The following CACNA1H variants were observed in gnomAD, a reference collection of about 807,000 sequenced individuals.
CACNA1H encodes the protein calcium voltage-gated channel subunit alpha1 H.
CACNA1H carries 149 observed loss-of-function variants against 192.5 expected under a neutral mutation model. The observed-to-expected ratio is 0.77, with a 90% confidence interval of 0.68 to 0.89. The LOEUF is 0.89. CACNA1H is among the 40% of genes least tolerant of loss of function. The pLI, the probability that CACNA1H is intolerant of heterozygous loss-of-function variation, is 0.00. For missense variants in CACNA1H, 4,257 were observed against 3,423.5 expected (o/e 1.24, Z -6.08); for synonymous variants, 2,202 against 1,475.2 (o/e 1.49, Z -11.29).
intron 2 of CACNA1H, among the ~76,000 whole-genome samples, chr16:1,162,901 C>T (rs999552882): frequency 1.3e-5 from 2 of 152,192 alleles, no homozygotes; most frequent in African/African-American, 2.4e-5. Flanking sequence ...GTCAGTGGCC[C>T]CAGGTCCCTG....
At chr16:1,205,715 G>A (rs1200039921) in intron 11 of CACNA1H, among the ~76,000 whole-genome samples, 4 of 152,192 alleles carry the variant, frequency 2.6e-5, no homozygotes, top group Admixed American at 6.5e-5. Context: ...CTAGGAGGAC[G>A]CTCATCCCTC....
At chr16:1,200,218 T>C (rs1221570883) in intron 6 of CACNA1H, 38 bp from the exon 7 acceptor site, 1 of 1,538,068 alleles carries the variant, frequency 6.5e-7, no homozygotes, top group African/African-American at 1.4e-5. Context: ...TCCCTGACCC[T>C]GATTGTACCT....
rs188397970 is a variant in CACNA1H at position 1,200,711 on chromosome 16, C to G, written c.1120-5C>G. 1.1e-4 allele frequency: 168 copies of G among 1,565,512 alleles called. No homozygotes were observed. Among genetic ancestry groups the G allele is most frequent in the Admixed American group, 5.1e-4 (27 of 52,528 alleles). On this transcript the variant is annotated splice_polypyrimidine_tract_variant and splice_region_variant and intron_variant, in intron 7 of 34. Transcript: ENST00000348261. ...CGGGCCCAAGTCAAGCCACTGCCCC[C>G]CCAGGTGATCACGCTGGAAGGCTGG... is the stretch of plus-strand genomic sequence containing the variant.
intron 2 of CACNA1H, among the ~76,000 whole-genome samples, chr16:1,187,802 A>C (rs1393064248): frequency 1.3e-5 from 2 of 152,186 alleles, no homozygotes; most frequent in African/African-American, 4.8e-5. Flanking sequence ...TGGTCTGAGG[A>C]GCTGAGGCTG....
chr16:1,202,858 G>C (rs1968149345), intron 9 of CACNA1H, among the ~76,000 whole-genome samples: 1 of 152,084 alleles, frequency 6.6e-6, no homozygotes, highest in Non-Finnish European at 1.5e-5. Context: ...CCCCCTTCTA[G>C]GTGGGGACGC....
chr16:1,175,925 A>G (rs948486681), intron 2 of CACNA1H, among the ~76,000 whole-genome samples: 1 of 152,134 alleles, frequency 6.6e-6, no homozygotes, highest in Non-Finnish European at 1.5e-5. Context: ...AGGCTCTGCA[A>G]CAGCCTGGAG....
chr16:1,205,970 C>A, intron 11 of CACNA1H, 134 bp from the exon 12 acceptor site: 1 of 799,004 alleles, frequency 1.3e-6, no homozygotes, highest in Non-Finnish European at 1.9e-6. Flanking sequence ...CTTGATGCAG[C>A]CATACCCTCT....
intron 2 of CACNA1H, among the ~76,000 whole-genome samples, chr16:1,184,501 C>T (rs530875616): frequency 6.6e-6 from 1 of 152,380 alleles, no homozygotes; most frequent in Non-Finnish European, 1.5e-5. Flanking sequence ...TCCCGGCCCT[C>T]ACCCTCATCC....
chr16:1,168,193 T>TC (rs779177552), intron 2 of CACNA1H, among the ~76,000 whole-genome samples: 228 of 133,214 alleles, frequency 1.7e-3, no homozygotes, highest in East Asian at 7.9e-3. Flanking sequence ...TGATGTGGGA[T>TC]CCCCCCCCCC....
At position 1,215,345 on chromosome 16, in the gene CACNA1H, C is replaced by T. The variant is rs545768453; in HGVS notation, c.5143C>T (p.Arg1715Cys). The change falls in exon 29 of 35, where the codon CGC becomes TGC. Residue 1715 changes from arginine to cysteine, a missense_variant. By Grantham distance (180) the Arg-to-Cys change is radical (BLOSUM62 -3). Coordinates refer to ENST00000348261, the MANE Select transcript of CACNA1H (RefSeq NM_021098.3). ...GCTGCCCATCAACCCCACCATCATC[C>T]GCATCATGCGCGTGCTTCGCATTGC... ...AALPINPTII[R>C]IMRVLRIARV... The T allele has an allele frequency of 1.6e-5, 26 of 1,611,814 alleles. No individual in the cohort carries two copies. The highest frequency in any genetic ancestry group is 3.3e-5 in the Admixed American group (2 of 59,900).
At chr16:1,198,852 A>G in intron 6 of CACNA1H, 78 bp downstream of exon 6, 2 of 1,394,430 alleles carry the variant, frequency 1.4e-6, no homozygotes, top group African/African-American at 2.9e-5. Flanking sequence ...ATGTGGCTCC[A>G]CCGCCCCACG....
intron 2 of CACNA1H, among the ~76,000 whole-genome samples, chr16:1,166,017 C>T (rs1332716511): frequency 6.6e-6 from 1 of 152,194 alleles, no homozygotes; most frequent in East Asian, 1.9e-4. Context: ...TCCTCCTCGT[C>T]CTGTTGGCAC....
chr16:1,217,904 T>C lies in CACNA1H; in HGVS notation c.5324-15T>C. 2 of 1,580,344 alleles carry C rather than the reference T, an allele frequency of 1.3e-6. No homozygotes were observed. Among genetic ancestry groups the C allele is most frequent in the African/African-American group, 1.4e-5 (1 of 73,970 alleles). ...AGCGGGCTCGGCTGACCGGGCGGGG[T>C]CTCCCTCCCCGCAGAGTGCAGTGAA... is the stretch of plus-strand genomic sequence containing the variant. On this transcript the variant is annotated splice_polypyrimidine_tract_variant and intron_variant, in intron 31 of 34. Transcript: ENST00000348261.
Position 1,204,065 on chromosome 16 carries a change from C to T in CACNA1H, c.2058C>T (p.Pro686=), listed in dbSNP as rs2141277940. The T allele has an allele frequency of 6.2e-6, 10 of 1,600,038 alleles. No homozygotes were observed. The highest frequency in any genetic ancestry group is 6.8e-6 in the Non-Finnish European group (8 of 1,174,264). Residue 686 remains proline (P), a synonymous_variant, in exon 10 of 35, where the codon CCC becomes CCT. Coordinates refer to ENST00000348261, the MANE Select transcript of CACNA1H (RefSeq NM_021098.3). ...GCCTCAGTGTGCCCTGCCCCCTGCCCAGCCCCCCAGCGGGCACACTGACCT... is the reference window on the plus strand; with the variant it reads ...GCCTCAGTGTGCCCTGCCCCCTGCCTAGCCCCCCAGCGGGCACACTGACCT... ...LSGLSVPCPL[P]SPPAGTLTCE...
chr16:1,160,829 C>T (rs993976868), intron 2 of CACNA1H, among the ~76,000 whole-genome samples: 33 of 152,240 alleles, frequency 2.2e-4, no homozygotes, highest in Non-Finnish European at 4.4e-4. Context: ...GTGTGGCCGC[C>T]GCCTGCGTTT....
At position 1,201,888 on chromosome 16, in the gene CACNA1H, G is replaced by T; in HGVS notation, c.1438G>T (p.Ala480Ser). 6.4e-7 allele frequency: 1 copy of T among 1,551,896 alleles called. No individual in the cohort carries two copies. The highest frequency in any genetic ancestry group is 1.7e-4 in the Middle Eastern group (1 of 5,872). ...KVKRRSLRLY[A>S]RWQSRWRKKV... ...CAAGCGGCGCAGCTTGCGCCTCTAC[G>T]CCCGCTGGCAGAGCCGCTGGCGCAA... The change falls in exon 9 of 35, where the codon GCC becomes TCC. Residue 480 changes from alanine (A) to serine (S), a missense_variant. Ala to Ser is a moderately conservative substitution (Grantham distance 99). Coordinates refer to ENST00000348261, the MANE Select transcript of CACNA1H (RefSeq NM_021098.3).
rs746267333 is a variant in CACNA1H at position 1,220,624 on chromosome 16, C to T, written c.6692C>T (p.Ser2231Phe). Residue 2231 changes from serine to phenylalanine, a missense_variant, in exon 35 of 35, where the codon TCC becomes TTC. Physicochemically the swap from Ser to Phe is radical, Grantham distance 155. Coordinates refer to ENST00000348261, the MANE Select transcript of CACNA1H (RefSeq NM_021098.3). The stretch of plus-strand genomic sequence containing the variant: ...TGTGAGGCCACGCCTCACAGGGACT[C>T]CCTGGAGCCCACAGAGGGCTCAGGC... ...PSCEATPHRD[S>F]LEPTEGSGAG... is the part of the protein sequence containing the mutation. 9 of 1,594,780 alleles carry T rather than the reference C, an allele frequency of 5.6e-6. No homozygotes were observed. Among genetic ancestry groups the T allele is most frequent in the Non-Finnish European group, 7.7e-6 (9 of 1,172,060 alleles).
intron 6 of CACNA1H, chr16:1,198,988 A>G (rs1161931497): frequency 4.7e-6 from 2 of 428,668 alleles, no homozygotes; most frequent in East Asian, 4.1e-5. Flanking sequence ...ACCGCCCCAC[A>G]TGGCTCCGCC....
intron 2 of CACNA1H, among the ~76,000 whole-genome samples, chr16:1,170,411 A>G (rs1179213845): frequency 6.6e-6 from 1 of 152,180 alleles, no homozygotes; most frequent in Admixed American, 6.5e-5. Context: ...AGCAGCTGTC[A>G]GCATGGTTTC....
Sources: gnomAD v4.1 joint callset for allele counts (sites outside exome capture counted in the v4.1 genomes callset) on GRCh38, gnomAD v4.1.1 for gene constraint, MANE v1.5 for transcripts, NCBI Gene and HGNC (gene_info 2026-07-23, HGNC 2026-07-21) for gene names.